Variants in SLC67A1 observed in about 807,000 individuals in gnomAD.
SLC67A1 encodes solute carrier family 67 member 1, also known as solute carrier family 67 member A1.
chr11:2,909,417 C>T, the SLC67A1 span: 7 of 1,473,930 alleles, frequency 4.7e-6, no homozygotes, highest in East Asian at 2.7e-5. Flanking sequence ...GCGGAGGACC[C>T]GGGACACCTC....
At chr11:2,908,318 C>A in the SLC67A1 span, 2 of 1,612,804 alleles carry the variant, frequency 1.2e-6, no homozygotes, top group African/African-American at 1.3e-5. Flanking sequence ...CTGGGCGGGC[C>A]GGTATTTGGC....
At chr11:2,909,736 T>C in the SLC67A1 span, 1 of 1,453,060 alleles carries the variant, frequency 6.9e-7, no homozygotes, top group Non-Finnish European at 9.0e-7. Flanking sequence ...CGGGGCGGAG[T>C]CTGTGGGTCA....
chr11:2,909,188 G>T, the SLC67A1 span: 8 of 1,507,380 alleles, frequency 5.3e-6, no homozygotes, highest in Non-Finnish European at 7.1e-6. Context: ...CCGCCCCTCG[G>T]CCCCCAGGTT....
the SLC67A1 span, among the ~76,000 whole-genome samples, chr11:2,923,339 A>AG: frequency 7.5e-6 from 1 of 133,642 alleles, no homozygotes; most frequent in Non-Finnish European, 1.6e-5. This position sits in a 1 kb window ranked among gnomAD's most constrained non-coding sequence, Gnocchi z 6.5. Context: ...AGATCCAGAA[A>AG]CTCAGGGCAC....
the SLC67A1 span, chr11:2,903,640 GTAAGT>G: frequency 1.3e-6 from 1 of 796,650 alleles, no homozygotes; most frequent in Non-Finnish European, 2.0e-6. Flanking sequence ...CTTAAGCTGA[GTAAGT>G]TAAGGACTCT....
the SLC67A1 span, chr11:2,899,723 C>A: frequency 8.4e-6 from 12 of 1,435,384 alleles, no homozygotes; most frequent in South Asian, 2.9e-5. Context: ...CTGTTCATGA[C>A]AAAAAAAAAG....
the SLC67A1 span, chr11:2,920,091 G>C: frequency 1.9e-5 from 1 of 52,030 alleles, no homozygotes; most frequent in African/African-American, 4.2e-5. Context: ...TGCGGGGCGG[G>C]GGGGCTATTC....
At chr11:2,917,987 G>A in the SLC67A1 span, 2 of 1,611,178 alleles carry the variant, frequency 1.2e-6, no homozygotes, top group Non-Finnish European at 1.7e-6. Flanking sequence ...CTCCGTGCCA[G>A]GCGGCCCCCG....
At chr11:2,904,053 T>G in the SLC67A1 span, among the ~76,000 whole-genome samples, 2 of 152,230 alleles carry the variant, frequency 1.3e-5, no homozygotes, top group African/African-American at 2.4e-5. Flanking sequence ...ATTGGCAAAT[T>G]CATGTTAGTT....
the SLC67A1 span, among the ~76,000 whole-genome samples, chr11:2,905,597 T>A: frequency 1.3e-5 from 2 of 152,212 alleles, no homozygotes; most frequent in African/African-American, 2.4e-5. Flanking sequence ...TTGGGTTGGT[T>A]CCAAGTCTTT....
At chr11:2,899,741 C>T in the SLC67A1 span, 34 of 1,443,758 alleles carry the variant, frequency 2.4e-5, no homozygotes, top group East Asian at 2.2e-4. Flanking sequence ...AAGGTCTCTC[C>T]GATTTCCTCT....
chr11:2,905,522 C>A, the SLC67A1 span, among the ~76,000 whole-genome samples: 6 of 152,192 alleles, frequency 3.9e-5, no homozygotes, highest in African/African-American at 1.4e-4. Flanking sequence ...TTTTTTATGG[C>A]TGCATAGTAT....
chr11:2,908,147 C>A, the SLC67A1 span: 17 of 871,460 alleles, frequency 2.0e-5, no homozygotes, highest in Non-Finnish European at 2.1e-5. Flanking sequence ...TCGGTCCCCT[C>A]CCACCCCCTG....
the SLC67A1 span, among the ~76,000 whole-genome samples, chr11:2,905,047 G>A: frequency 1.3e-5 from 2 of 152,208 alleles, no homozygotes; most frequent in Admixed American, 6.5e-5. Flanking sequence ...TAAGGAAGGA[G>A]GCATGGACAG....
the SLC67A1 span, among the ~76,000 whole-genome samples, chr11:2,915,938 A>G: frequency 6.6e-6 from 1 of 152,242 alleles, no homozygotes; most frequent in Non-Finnish European, 1.5e-5. Flanking sequence ...GTGGGGACTC[A>G]TGGCAGGGAA....
At chr11:2,922,401 C>A in the SLC67A1 span, 2 of 1,602,000 alleles carry the variant, frequency 1.2e-6, no homozygotes, top group African/African-American at 1.3e-5. Context: ...TCCCGTGAGG[C>A]CCCCACTCAG....
chr11:2,918,846 G>A, the SLC67A1 span: 2 of 160,204 alleles, frequency 1.2e-5, no homozygotes, highest in African/African-American at 2.4e-5. Context: ...TACAGGCATG[G>A]GCCACCACGC....
the SLC67A1 span, chr11:2,916,402 A>T: frequency 2.1e-6 from 1 of 465,160 alleles, no homozygotes; most frequent in Admixed American, 4.1e-5. Flanking sequence ...TGGCGTGGCG[A>T]GGGTCAGGGA....
the SLC67A1 span, among the ~76,000 whole-genome samples, chr11:2,924,210 AG>A: frequency 2.6e-5 from 4 of 152,234 alleles, no homozygotes; most frequent in Non-Finnish European, 4.4e-5. The surrounding 1 kb of genome is among the most constrained non-coding windows in gnomAD (Gnocchi z 8.6). Context: ...ATGCGGTGTC[AG>A]GGACAGAGCA....
Sources: gnomAD v4.1 joint callset for allele counts (sites outside exome capture counted in the v4.1 genomes callset) on GRCh38, gnomAD v4.1.1 for gene constraint, Gnocchi (gnomAD v3.1) non-coding constraint, MANE v1.5 for transcripts, NCBI Gene and HGNC (gene_info 2026-07-23, HGNC 2026-07-21) for gene names.